Variants in PTK2 observed in about 807,000 individuals in gnomAD.
PTK2 encodes the protein protein tyrosine kinase 2, also known as focal adhesion kinase 1.
A neutral mutation model predicts 150.1 loss-of-function variants in PTK2; 45 were observed. The ratio of observed to expected loss-of-function variants is 0.30; its 90% CI spans 0.24 to 0.38. The LOEUF (loss-of-function observed/expected upper bound fraction) is 0.38, where lower values mean the gene tolerates loss of function less well. PTK2 is among the 10% of genes least tolerant of loss of function. The pLI is 1.00. For synonymous variants in PTK2, 432 were observed against 449.2 expected (o/e 0.96, Z 0.48); for missense variants, 919 against 1,307.3 (o/e 0.70, Z 4.58).
chr8:140,765,263 A>G (rs2100071686), intron 14 of PTK2: 1 of 152,202 alleles, frequency 6.6e-6, no homozygotes, highest in Non-Finnish European at 1.5e-5. Context: ...CTTGTTTAAC[A>G]CCAATGAAAC....
intron 23 of PTK2, among the ~76,000 whole-genome samples, chr8:140,710,984 C>A (rs577492133): frequency 6.6e-6 from 1 of 152,246 alleles, no homozygotes; most frequent in Non-Finnish European, 1.5e-5. Flanking sequence ...GTCGCCTAGG[C>A]TGGAGTGCAG....
intron 7 of PTK2, among the ~76,000 whole-genome samples, chr8:140,840,015 A>G (rs913735318): frequency 1.3e-5 from 2 of 152,202 alleles, no homozygotes; most frequent in Admixed American, 6.5e-5. Context: ...GCAGAACAAT[A>G]TATTTGGAAT....
intron 1 of PTK2, among the ~76,000 whole-genome samples, chr8:140,928,650 C>T (rs1398018124): frequency 6.6e-6 from 1 of 152,122 alleles, no homozygotes; most frequent in Admixed American, 6.5e-5. Context: ...CATGCTGAAC[C>T]TTGAGGACAT....
At chr8:140,732,440 C>A (rs543236803) in intron 22 of PTK2, 3 of 428,138 alleles carry the variant, frequency 7.0e-6, no homozygotes, top group South Asian at 5.6e-5. Context: ...AGATAATTTA[C>A]CTCAGTGGAG....
chr8:140,881,458 G>C (rs1412037378), intron 3 of PTK2, among the ~76,000 whole-genome samples: 1 of 152,188 alleles, frequency 6.6e-6, no homozygotes, highest in Non-Finnish European at 1.5e-5. Flanking sequence ...TCAACACCCA[G>C]TACGCACCAA....
intron 1 of PTK2, among the ~76,000 whole-genome samples, chr8:140,982,081 A>AAAAAC (rs144602670): frequency 2.7e-5 from 4 of 146,566 alleles, no homozygotes; most frequent in Admixed American, 6.7e-5. Flanking sequence ...AAAAAAAAAA[A>AAAAAC]AATGACTCAG....
intron 1 of PTK2, among the ~76,000 whole-genome samples, chr8:140,937,585 T>A (rs372875028): frequency 2.7e-3 from 348 of 129,594 alleles, no homozygotes; most frequent in Non-Finnish European, 3.3e-3. Context: ...AAGTAAACAA[T>A]AAAAAAAAAA....
intron 1 of PTK2, among the ~76,000 whole-genome samples, chr8:140,958,383 A>G (rs2100181931): frequency 6.6e-6 from 1 of 152,114 alleles, no homozygotes; most frequent in Non-Finnish European, 1.5e-5. Context: ...AGACTCAAGC[A>G]ATCCTCCTGC....
chr8:140,783,678 T>C lies in PTK2; in HGVS notation c.1177+5796A>G, dbSNP rs193138482. Among the ~76,000 whole-genome samples the C allele has an allele frequency of 4.5e-3, 692 of 152,320 alleles. 6 individuals are homozygous for C. Among genetic ancestry groups the C allele is most frequent in the African/African-American group, 0.016 (669 of 41,566 alleles). On this transcript the variant is annotated intron_variant, in intron 14 of 31. Transcript: ENST00000522684. ...GTTTTAGAATTTGTAATGAAGCAGC[T>C]TAATACAAAATACAAATAACATTTA...
chr8:140,834,415 C>T (rs1252639631), intron 7 of PTK2, among the ~76,000 whole-genome samples: 5 of 152,136 alleles, frequency 3.3e-5, no homozygotes, highest in African/African-American at 1.2e-4. Context: ...TGTTAAGAAG[C>T]CTTTCGTTGG....
intron 8 of PTK2, chr8:140,820,608 C>T (rs1475925607): frequency 2.7e-5 from 4 of 147,660 alleles, no homozygotes; most frequent in Admixed American, 2.7e-4. Flanking sequence ...TCCAGAGTAA[C>T]TGGACTCCAA....
At chr8:140,954,523 G>A (rs984395422) in intron 1 of PTK2, among the ~76,000 whole-genome samples, 13 of 152,050 alleles carry the variant, frequency 8.5e-5, no homozygotes, top group African/African-American at 2.9e-4. Context: ...TTCTAAGCAC[G>A]TTATTAACCA....
intron 26 of PTK2, chr8:140,686,977 T>C (rs371526021): frequency 2.7e-5 from 10 of 363,858 alleles, no homozygotes; most frequent in East Asian, 1.2e-4. Context: ...GTAGCACAGA[T>C]GGCTTTCTTC....
exon 29 of PTK2, chr8:140,674,347 C>T: frequency 6.2e-7 from 1 of 1,608,386 alleles, no homozygotes. Flanking sequence ...GCTGGCAAGG[C>T]TTCCCAGATG....
At chr8:140,776,411 T>A (rs566332916) in intron 14 of PTK2, among the ~76,000 whole-genome samples, 1 of 152,354 alleles carries the variant, frequency 6.6e-6, no homozygotes, top group African/African-American at 2.4e-5. Flanking sequence ...AGTACCTATA[T>A]AGGACAACTT....
intron 20 of PTK2, among the ~76,000 whole-genome samples, chr8:140,743,004 A>G (rs1265514557): frequency 6.6e-6 from 1 of 152,152 alleles, no homozygotes; most frequent in East Asian, 1.9e-4. Context: ...TCTATAATCC[A>G]TTCTGAGTTA....
chr8:140,941,391 A>C (rs2100175690), intron 1 of PTK2, among the ~76,000 whole-genome samples: 1 of 152,238 alleles, frequency 6.6e-6, no homozygotes, highest in South Asian at 2.1e-4. Context: ...TGCTGGAGAC[A>C]GTGTCTCAAG....
chr8:140,674,898 A>G (rs112100166), intron 28 of PTK2, among the ~76,000 whole-genome samples: 3,854 of 150,232 alleles, frequency 0.026, 169 homozygotes, highest in African/African-American at 0.089. Flanking sequence ...ATTAAAAAAA[A>G]AAAAGAAAAG....
At chr8:140,691,494 C>T (rs1463774914) in intron 26 of PTK2, among the ~76,000 whole-genome samples, 25 of 152,100 alleles carry the variant, frequency 1.6e-4, no homozygotes, top group Admixed American at 1.6e-3. Context: ...TTGCTCCTCT[C>T]CTCCTCCCTT....
Sources: allele counts gnomAD v4.1 joint callset (sites outside exome capture counted in the v4.1 genomes callset), GRCh38; gene constraint gnomAD v4.1.1; transcripts MANE v1.5; gene names NCBI Gene and HGNC (gene_info 2026-07-23, HGNC 2026-07-21).